Variants in TOGARAM1 observed in about 807,000 individuals in gnomAD.
TOGARAM1 encodes TOG array regulator of axonemal microtubules 1, also known as TOG array regulator of axonemal microtubules protein 1.
Under a neutral mutation model 166.6 loss-of-function variants are expected in TOGARAM1, and 100 were observed. The observed-to-expected ratio is 0.60, with a 90% CI of 0.51 to 0.71. The LOEUF (loss-of-function observed/expected upper bound fraction) is 0.71, where lower values mean the gene tolerates loss of function less well. Ranked by LOEUF, TOGARAM1 falls within the 30% of genes least tolerant of loss-of-function variation. TOGARAM1 has a pLI of 0.00. For missense variants in TOGARAM1, 2,029 were observed against 2,102.7 expected (o/e 0.96, Z 0.69); for synonymous variants, 758 against 763.8 (o/e 0.99, Z 0.13).
intron 1 of TOGARAM1, among the ~76,000 whole-genome samples, chr14:44,967,297 A>G (rs1017510534): frequency 6.6e-6 from 1 of 152,106 alleles, no homozygotes; most frequent in Non-Finnish European, 1.5e-5. Flanking sequence ...TTCGTTCACA[A>G]TAAAATCCCT....
intron 4 of TOGARAM1, among the ~76,000 whole-genome samples, chr14:45,004,668 C>T (rs570433741): frequency 6.6e-6 from 1 of 152,132 alleles, no homozygotes; most frequent in Non-Finnish European, 1.5e-5. Flanking sequence ...CCAGGCTGTT[C>T]TCAAACTCCT....
At chr14:45,034,802 T>C (rs1881340026) in intron 11 of TOGARAM1, among the ~76,000 whole-genome samples, 1 of 152,074 alleles carries the variant, frequency 6.6e-6, no homozygotes. Flanking sequence ...AGAATATTTA[T>C]AGGAATACAA....
intron 1 of TOGARAM1, among the ~76,000 whole-genome samples, chr14:44,969,757 T>A (rs917320406): frequency 2.6e-5 from 4 of 152,218 alleles, no homozygotes; most frequent in Non-Finnish European, 4.4e-5. Flanking sequence ...GATTCATTTT[T>A]TTTTACATGT....
intron 1 of TOGARAM1, among the ~76,000 whole-genome samples, chr14:44,985,862 C>T (rs1330553128): frequency 5.9e-5 from 9 of 152,116 alleles, no homozygotes. Context: ...GCATTTTTAT[C>T]TTAATTAGAA....
chr14:45,001,062 G>A (rs535962658), intron 3 of TOGARAM1, among the ~76,000 whole-genome samples: 1 of 152,240 alleles, frequency 6.6e-6, no homozygotes, highest in African/African-American at 2.4e-5. Flanking sequence ...CTTCCTTGCT[G>A]TTTTCTATAG....
At chr14:45,002,965 C>A (rs377253064) in intron 3 of TOGARAM1, among the ~76,000 whole-genome samples, 2 of 151,722 alleles carry the variant, frequency 1.3e-5, no homozygotes, top group South Asian at 2.1e-4. Context: ...GGCGACAGAG[C>A]GAGACTCCAT....
chr14:44,988,496 C>T (rs1387522093), intron 1 of TOGARAM1, among the ~76,000 whole-genome samples: 1 of 152,014 alleles, frequency 6.6e-6, no homozygotes, highest in East Asian at 1.9e-4. Context: ...TTTGATTAAC[C>T]AGCAGAATTT....
At chr14:44,965,023 T>C (rs75421141) in intron 1 of TOGARAM1, among the ~76,000 whole-genome samples, 6,838 of 150,760 alleles carry the variant, frequency 0.045, 518 homozygotes, top group African/African-American at 0.16. Context: ...ACTGAGATTT[T>C]CCCCCCAAAG....
rs1052001824 is a variant in TOGARAM1, at chr14:45,008,833, T to C, written c.2905-80T>C. The C allele has an allele frequency of 3.9e-5, 44 of 1,115,612 alleles. No homozygotes were observed. The Middle Eastern group carries it at 7.2e-4, about 18-fold the overall frequency. 69.1% of individuals were successfully genotyped at this position (1,115,612 alleles called of 1,614,324 possible). ...GAAGTGGTTAGCTAGGTATAGCTAA[T>C]GGAGTTTAAAATTTAAGGATAACTT... On this transcript the variant is annotated intron_variant, in intron 5 of 19. Coordinates refer to ENST00000361462, the MANE Select transcript of TOGARAM1 (RefSeq NM_001308120.2).
At chr14:45,005,569 G>A (rs900635755) in intron 4 of TOGARAM1, among the ~76,000 whole-genome samples, 1 of 152,096 alleles carries the variant, frequency 6.6e-6, no homozygotes, top group Non-Finnish European at 1.5e-5. Flanking sequence ...AGCTGAGGTG[G>A]CACCACTGCA....
intron 7 of TOGARAM1, among the ~76,000 whole-genome samples, chr14:45,015,353 T>A (rs1297455315): frequency 2.7e-5 from 4 of 147,418 alleles, no homozygotes; most frequent in African/African-American, 7.4e-5. Flanking sequence ...TAAATAAATA[T>A]ATTTATACAT....
intron 14 of TOGARAM1, among the ~76,000 whole-genome samples, chr14:45,050,651 G>A (rs963700776): frequency 6.6e-6 from 1 of 151,634 alleles, no homozygotes; most frequent in Non-Finnish European, 1.5e-5. Context: ...CCAAGACTCT[G>A]TCACCCAGGC....
chr14:44,968,867 A>G (rs188259891), intron 1 of TOGARAM1, among the ~76,000 whole-genome samples: 1 of 152,276 alleles, frequency 6.6e-6, no homozygotes, highest in Admixed American at 6.5e-5. Context: ...TATCATAACA[A>G]TAGTTTCAGT....
intron 11 of TOGARAM1, among the ~76,000 whole-genome samples, chr14:45,033,707 C>A (rs533100504): frequency 9.9e-5 from 15 of 152,192 alleles, no homozygotes; most frequent in Non-Finnish European, 1.9e-4. Context: ...AGTAATCCAA[C>A]AGCCTAACTT....
intron 7 of TOGARAM1, among the ~76,000 whole-genome samples, chr14:45,012,359 A>G (rs1187045020): frequency 6.6e-6 from 1 of 152,136 alleles, no homozygotes; most frequent in African/African-American, 2.4e-5. Context: ...AGTGTTATTT[A>G]GCTGGTGTTG....
At position 45,045,801 on chromosome 14, in the gene TOGARAM1, G is replaced by T. The variant is rs891450433; in HGVS notation, c.4155-744G>T. On this transcript the variant is annotated intron_variant, in intron 13 of 19. Coordinates refer to ENST00000361462, the MANE Select transcript of TOGARAM1 (RefSeq NM_001308120.2). ...TTTCTTTATCCACTGATTAGTCAGT[G>T]GGCACTTAGGTTGGTTCCACATCTT... 2.7e-5 allele frequency among the ~76,000 whole-genome samples: 4 copies of T among 147,864 alleles called. No homozygotes were observed. In the Admixed American group the frequency reaches 2.7e-4, roughly 10 times the overall value.
chr14:45,029,753 C>T (rs1044616628), intron 10 of TOGARAM1, among the ~76,000 whole-genome samples: 11 of 152,136 alleles, frequency 7.2e-5, no homozygotes, highest in Admixed American at 6.6e-4. Flanking sequence ...AACAATTTGA[C>T]AATGCCACAA....
At chr14:45,007,342 C>G (rs1879510975) in intron 5 of TOGARAM1, 1 of 150,030 alleles carries the variant, frequency 6.7e-6, no homozygotes, top group African/African-American at 2.4e-5. Context: ...TTTTTCCCAA[C>G]TCATTTGTAT....
chr14:44,962,256 C>A lies in TOGARAM1; in HGVS notation c.-166C>A. The stretch of plus-strand genomic sequence containing the variant: ...TAGGGCTCAGACGGGGGCCATTTTG[C>A]CAGAGGCTGCCTCCCGGAGTTGGGG... On this transcript the variant is annotated 5_prime_UTR_variant, in exon 1 of 20. Transcript: ENST00000361462. 1.2e-6 allele frequency: 1 copy of A among 805,684 alleles called. No individual in the cohort carries two copies. Among genetic ancestry groups the A allele is most frequent in the Non-Finnish European group, 1.8e-6 (1 of 550,776 alleles). The allele number at this position is 805,684 out of a possible 1,614,324, so 49.9% of individuals were successfully genotyped here.
Sources: allele counts gnomAD v4.1 joint callset (sites outside exome capture counted in the v4.1 genomes callset), GRCh38; gene constraint gnomAD v4.1.1; transcripts MANE v1.5; gene names NCBI Gene and HGNC (gene_info 2026-07-23, HGNC 2026-07-21).